Variants in SORBS2 observed in about 807,000 individuals in gnomAD.
The protein encoded by SORBS2 is sorbin and SH3 domain containing 2.
SORBS2 carries 46 observed loss-of-function variants against 97.7 expected under a neutral mutation model. The observed-to-expected ratio is 0.47, with a 90% CI of 0.37 to 0.60. The LOEUF (loss-of-function observed/expected upper bound fraction) is 0.60. SORBS2 is among the 20% of genes least tolerant of loss of function. SORBS2 has a pLI of 0.00. For missense variants in SORBS2, 1,316 were observed against 1,282.3 expected, an observed-to-expected ratio of 1.03 and a Z score of -0.40; for synonymous variants, 476 against 473.4, an observed-to-expected ratio of 1.01 and a Z score of -0.07.
At chr4:185,878,237 T>G (rs188875553) in intron 1 of SORBS2, among the ~76,000 whole-genome samples, 35 of 152,324 alleles carry the variant, frequency 2.3e-4, no homozygotes, top group Non-Finnish European at 4.1e-4. Context: ...TGAATAGGTT[T>G]TCTCTATTTT....
intron 1 of SORBS2, among the ~76,000 whole-genome samples, chr4:185,830,391 T>C (rs1324922797): frequency 6.6e-6 from 1 of 152,198 alleles, no homozygotes; most frequent in Admixed American, 6.5e-5. Context: ...CAGCACATTT[T>C]TGCCACCTAG....
chr4:185,759,889 G>A (rs1487057167), intron 2 of SORBS2, among the ~76,000 whole-genome samples: 1 of 152,116 alleles, frequency 6.6e-6, no homozygotes, highest in Non-Finnish European at 1.5e-5. Context: ...GTAGTCATTA[G>A]CAATAATCTA....
exon 15 of SORBS2, chr4:185,587,020 C>T (rs2095808164): frequency 6.6e-6 from 1 of 152,616 alleles, no homozygotes; most frequent in South Asian, 2.1e-4. Flanking sequence ...CACACTCATC[C>T]AAATTAACTC....
chr4:185,895,935 A>G (rs1432488680), intron 1 of SORBS2, among the ~76,000 whole-genome samples: 1 of 152,244 alleles, frequency 6.6e-6, no homozygotes, highest in Non-Finnish European at 1.5e-5. Flanking sequence ...GATTAAAATT[A>G]GCCAGAGAGA....
At chr4:185,708,122 T>C (rs1434682622) in intron 2 of SORBS2, among the ~76,000 whole-genome samples, 1 of 152,168 alleles carries the variant, frequency 6.6e-6, no homozygotes, top group Non-Finnish European at 1.5e-5. Context: ...TAAAATCAGA[T>C]CATGAATTTA....
chr4:185,811,241 T>C (rs534066846), intron 1 of SORBS2: 1 of 152,298 alleles, frequency 6.6e-6, no homozygotes, highest in Admixed American at 6.5e-5. Context: ...AAGAGTTAAA[T>C]AAATCATTTA....
upstream of SORBS2, among the ~76,000 whole-genome samples, chr4:185,660,524 T>C (rs374117026): frequency 2.6e-5 from 4 of 152,210 alleles, no homozygotes; most frequent in East Asian, 5.8e-4. Context: ...AAGGCACAGA[T>C]ATATTTAGAC....
chr4:185,748,266 G>A (rs1017221092), intron 2 of SORBS2, among the ~76,000 whole-genome samples: 31 of 152,266 alleles, frequency 2.0e-4, no homozygotes, highest in Admixed American at 9.8e-4. Context: ...TCAGGGCCTC[G>A]GCGTGCGAGG....
At chr4:185,690,601 C>T in intron 2 of SORBS2, 1 of 1,484,770 alleles carries the variant, frequency 6.7e-7, no homozygotes, top group South Asian at 1.3e-5. Flanking sequence ...TTATTAAAGT[C>T]TTCAGTTTTC....
chr4:185,675,989 C>T (rs958310049), intron 4 of SORBS2, among the ~76,000 whole-genome samples: 2 of 151,998 alleles, frequency 1.3e-5, no homozygotes, highest in South Asian at 2.1e-4. Context: ...TATATCTCCT[C>T]GAGGATATGT....
intron 1 of SORBS2, among the ~76,000 whole-genome samples, chr4:185,825,783 A>T (rs1277891916): frequency 6.6e-6 from 1 of 151,984 alleles, no homozygotes; most frequent in Non-Finnish European, 1.5e-5. Flanking sequence ...CTACAGAGTC[A>T]CTCCTGAGGT....
intron 1 of SORBS2, among the ~76,000 whole-genome samples, chr4:185,927,322 A>G (rs2099264198): frequency 6.6e-6 from 1 of 151,758 alleles, no homozygotes; most frequent in Non-Finnish European, 1.5e-5. Context: ...CAGAACATGT[A>G]GGTTTGGTAC....
chr4:185,732,974 C>A (rs2098654214), intron 2 of SORBS2, among the ~76,000 whole-genome samples: 1 of 152,166 alleles, frequency 6.6e-6, no homozygotes, highest in South Asian at 2.1e-4. Context: ...CAAGGACTGC[C>A]AGCAACCACC....
chr4:185,844,354 G>T (rs2099213294), intron 1 of SORBS2, among the ~76,000 whole-genome samples: 1 of 152,194 alleles, frequency 6.6e-6, no homozygotes, highest in South Asian at 2.1e-4. Flanking sequence ...CACACGAAAA[G>T]ATGCCCAACA....
intron 2 of SORBS2, among the ~76,000 whole-genome samples, chr4:185,715,820 A>G (rs1250704728): frequency 6.6e-6 from 1 of 152,232 alleles, no homozygotes; most frequent in Non-Finnish European, 1.5e-5. Context: ...GAAAACTACT[A>G]AATGCTCAAT....
intron 1 of SORBS2, among the ~76,000 whole-genome samples, chr4:185,873,565 T>C (rs2099231619): frequency 6.6e-6 from 1 of 152,196 alleles, no homozygotes; most frequent in African/African-American, 2.4e-5. Flanking sequence ...GAAATGCATA[T>C]CTATTTTTCT....
At chr4:185,816,494 A>G (rs1469017459) in intron 1 of SORBS2, among the ~76,000 whole-genome samples, 1 of 152,246 alleles carries the variant, frequency 6.6e-6, no homozygotes, top group Non-Finnish European at 1.5e-5. Context: ...CAATGACGTG[A>G]ACAATGTCAA....
At chr4:185,848,122 C>T (rs1334873775) in intron 1 of SORBS2, among the ~76,000 whole-genome samples, 1 of 151,940 alleles carries the variant, frequency 6.6e-6, no homozygotes, top group Non-Finnish European at 1.5e-5. Context: ...TCTCAGATAC[C>T]CCGAAATTAT....
At chr4:185,662,345 C>T in intron 4 of SORBS2, 103 bp from the exon 8 acceptor site, 5 of 1,162,872 alleles carry the variant, frequency 4.3e-6, no homozygotes, top group Non-Finnish European at 6.1e-6. Flanking sequence ...TGAGAGTAAT[C>T]AGCTGCCAAG....
Sources: gnomAD v4.1 joint callset for allele counts (sites outside exome capture counted in the v4.1 genomes callset) on GRCh38, gnomAD v4.1.1 for gene constraint, MANE v1.5 for transcripts, NCBI Gene and HGNC (gene_info 2026-07-23, HGNC 2026-07-21) for gene names.